Variants in FSIP1 observed in about 807,000 individuals in gnomAD.
The protein encoded by FSIP1 is fibrous sheath interacting protein 1, also known as fibrous sheath-interacting protein 1.
FSIP1 carries 65 observed loss-of-function variants against 60.9 expected under a neutral mutation model. That is an observed-to-expected ratio of 1.07 (90% CI 0.87 to 1.31). FSIP1 has a LOEUF of 1.31. Ranked by LOEUF, FSIP1 falls within the 40% of genes most tolerant of loss-of-function variation. The pLI, the probability that FSIP1 is intolerant of heterozygous loss-of-function variation, is 0.00. For synonymous variants in FSIP1, 209 were observed against 221.2 expected (o/e 0.94, Z 0.49); for missense variants, 675 against 665.5 (o/e 1.01, Z -0.16).
intron 10 of FSIP1, among the ~76,000 whole-genome samples, chr15:39,710,200 G>A (rs1489903547): frequency 6.6e-6 from 1 of 152,042 alleles, no homozygotes; most frequent in African/African-American, 2.4e-5. Flanking sequence ...ACATACAACA[G>A]GGCCAGGCAT....
intron 10 of FSIP1, among the ~76,000 whole-genome samples, chr15:39,681,793 AT>A (rs1463618098): frequency 3.9e-5 from 6 of 152,056 alleles, no homozygotes; most frequent in African/African-American, 9.7e-5. Context: ...GATACCCTGA[AT>A]TTTTTTTCTA....
At chr15:39,772,290 G>T (rs28450006) in intron 2 of FSIP1, among the ~76,000 whole-genome samples, 1 of 151,732 alleles carries the variant, frequency 6.6e-6, no homozygotes, top group Non-Finnish European at 1.5e-5. Context: ...TCCCATCTCT[G>T]TATAAATATA....
chr15:39,681,175 C>T (rs1894146605), intron 10 of FSIP1, among the ~76,000 whole-genome samples: 1 of 152,134 alleles, frequency 6.6e-6, no homozygotes, highest in Non-Finnish European at 1.5e-5. Flanking sequence ...AAGAGTTATA[C>T]AGCCAAGATT....
At chr15:39,744,536 G>T (rs1896919526) in intron 5 of FSIP1, among the ~76,000 whole-genome samples, 2 of 152,130 alleles carry the variant, frequency 1.3e-5, no homozygotes, top group African/African-American at 2.4e-5. Context: ...CCCTGGAGGT[G>T]AAATCCTGGA....
intron 1 of FSIP1, among the ~76,000 whole-genome samples, chr15:39,780,466 A>G (rs976309513): frequency 1.3e-5 from 2 of 152,234 alleles, no homozygotes; most frequent in Non-Finnish European, 2.9e-5. Flanking sequence ...CGGAGCTTGC[A>G]GTGAGCCGAG....
In FSIP1 at chr15:39,617,962, T is replaced by G. The variant is rs745864260; in HGVS notation, c.1472A>C (p.His491Pro). The G allele has an allele frequency of 1.2e-6, 2 of 1,614,234 alleles. No individual in the cohort carries two copies. Among genetic ancestry groups the G allele is most frequent in the South Asian group, 2.2e-5 (2 of 91,090 alleles). Residue 491 changes from histidine (H) to proline (P), a missense_variant, in exon 11 of 12, where the codon CAT becomes CCT. Physicochemically the swap from His to Pro is moderately conservative, Grantham distance 77. Coordinates refer to ENST00000350221, the MANE Select transcript of FSIP1 (RefSeq NM_152597.5). ...GYYLTKALTG[H>P]NMSEALVTEA... Reference sequence around the variant, plus strand: ...AGTGACAAGAGCTTCTGACATGTTATGTCCAGTCAAGGCTTTAGTGAGATA... The same window carrying G: ...AGTGACAAGAGCTTCTGACATGTTAGGTCCAGTCAAGGCTTTAGTGAGATA...
chr15:39,714,635 A>T (rs1216233181), intron 9 of FSIP1, among the ~76,000 whole-genome samples: 1 of 151,396 alleles, frequency 6.6e-6, no homozygotes, highest in Non-Finnish European at 1.5e-5. Context: ...CCAGGAAAAA[A>T]TCCGAAGGAC....
intron 11 of FSIP1, among the ~76,000 whole-genome samples, chr15:39,612,245 T>G (rs546195232): frequency 6.6e-6 from 1 of 152,200 alleles, no homozygotes; most frequent in African/African-American, 2.4e-5. Flanking sequence ...TTCTCCAGGA[T>G]AGGCCACAAA....
At chr15:39,737,918 C>A (rs1428848349) in intron 8 of FSIP1, among the ~76,000 whole-genome samples, 173 bp downstream of exon 8, 1 of 152,040 alleles carries the variant, frequency 6.6e-6, no homozygotes, top group Non-Finnish European at 1.5e-5. Flanking sequence ...AGTGAGAACA[C>A]CCGCGGTATT....
chr15:39,773,401 G>A (rs991308317), intron 2 of FSIP1, among the ~76,000 whole-genome samples: 1 of 152,168 alleles, frequency 6.6e-6, no homozygotes, highest in Non-Finnish European at 1.5e-5. Flanking sequence ...AAGTGCCAAA[G>A]TCCAGATTGG....
At chr15:39,712,218 G>C (rs1895546919) in intron 10 of FSIP1, among the ~76,000 whole-genome samples, 1 of 151,222 alleles carries the variant, frequency 6.6e-6, no homozygotes, top group Non-Finnish European at 1.5e-5. Context: ...CAGTGGGCCT[G>C]CAGGCAGTGA....
chr15:39,617,502 T>C lies in FSIP1; in HGVS notation c.1699+233A>G, dbSNP rs1891275156. 2.6e-5 allele frequency among the ~76,000 whole-genome samples: 4 copies of C among 152,228 alleles called. 1 individual carries two copies. The South Asian group carries it at 8.3e-4, about 32-fold the overall frequency. On this transcript the variant is annotated intron_variant, in intron 11 of 11. Transcript: ENST00000350221. Reference sequence around the variant, plus strand: ...TTTTCCTGTGAAACCAACATTATTTTCTGGATGACACAATTAATTACCATC... The same window carrying C: ...TTTTCCTGTGAAACCAACATTATTTCCTGGATGACACAATTAATTACCATC...
chr15:39,744,441 C>T (rs934210708), intron 5 of FSIP1, among the ~76,000 whole-genome samples: 1 of 152,244 alleles, frequency 6.6e-6, no homozygotes, highest in Non-Finnish European at 1.5e-5. Flanking sequence ...CAAATAAGGA[C>T]CTAGAGGACC....
chr15:39,762,551 C>A (rs1234909150), intron 5 of FSIP1, among the ~76,000 whole-genome samples: 1 of 152,178 alleles, frequency 6.6e-6, no homozygotes, highest in Non-Finnish European at 1.5e-5. Context: ...TCACTGTAGC[C>A]AGGAACTGGC....
At chr15:39,612,136 T>C (rs1421086651) in intron 11 of FSIP1, among the ~76,000 whole-genome samples, 2 of 152,194 alleles carry the variant, frequency 1.3e-5, no homozygotes, top group Non-Finnish European at 2.9e-5. Context: ...AACATTGGAC[T>C]TGAATTACAC....
chr15:39,646,504 C>T (rs575295571), intron 10 of FSIP1, among the ~76,000 whole-genome samples: 9 of 114,612 alleles, frequency 7.9e-5, no homozygotes, highest in Middle Eastern at 7.8e-3. Context: ...CGTAACATAG[C>T]GAGACCTCAT....
intron 8 of FSIP1, among the ~76,000 whole-genome samples, chr15:39,731,144 T>A (rs751377602): frequency 1.3e-5 from 2 of 152,198 alleles, no homozygotes; most frequent in Non-Finnish European, 2.9e-5. Context: ...GATATAGTCA[T>A]AAATGTTTTT....
chr15:39,615,701 A>G lies in FSIP1; in HGVS notation c.1699+2034T>C, dbSNP rs1018227855. On this transcript the variant is annotated intron_variant, in intron 11 of 11. Coordinates refer to ENST00000350221, the MANE Select transcript of FSIP1 (RefSeq NM_152597.5). ...AGATCAAGACCATCCTGGCTAACAC[A>G]GTGAAACTCCATCTCTACTAAAAAT... Among the ~76,000 whole-genome samples, 6 of 148,338 alleles carry G rather than the reference A, an allele frequency of 4.0e-5. No homozygotes were observed. In the East Asian group the frequency reaches 5.9e-4, roughly 15 times the overall value.
intron 10 of FSIP1, among the ~76,000 whole-genome samples, chr15:39,690,409 T>C (rs902865110): frequency 2.6e-5 from 4 of 152,210 alleles, no homozygotes; most frequent in South Asian, 4.1e-4. Flanking sequence ...AAGAATACAC[T>C]TATATGACTC....
Sources: gnomAD v4.1 joint callset for allele counts (sites outside exome capture counted in the v4.1 genomes callset) on GRCh38, gnomAD v4.1.1 for gene constraint, MANE v1.5 for transcripts, NCBI Gene and HGNC (gene_info 2026-07-23, HGNC 2026-07-21) for gene names.